The following CFAP263 variants were observed in gnomAD, a reference collection of about 807,000 sequenced individuals.
CFAP263 encodes cilia- and flagella-associated protein 263.
At chr16:58,252,205 CAAA>C in the CFAP263 span, among the ~76,000 whole-genome samples, 1 of 151,706 alleles carries the variant, frequency 6.6e-6, no homozygotes, top group Non-Finnish European at 1.5e-5. Flanking sequence ...ACCACCTCTA[CAAA>C]AAAAATTATA....
At chr16:58,275,838 A>G in the CFAP263 span, among the ~76,000 whole-genome samples, 2 of 152,258 alleles carry the variant, frequency 1.3e-5, no homozygotes, top group Non-Finnish European at 2.9e-5. Context: ...TAATTCAGGT[A>G]TATCAGAGAT....
chr16:58,279,732 A>G, the CFAP263 span: 22 of 1,613,144 alleles, frequency 1.4e-5, no homozygotes, highest in Non-Finnish European at 1.7e-5. Flanking sequence ...ATCGAATGAA[A>G]ATAACCAATG....
At chr16:58,283,151 G>C in the CFAP263 span, 1 of 152,260 alleles carries the variant, frequency 6.6e-6, no homozygotes, top group Non-Finnish European at 1.5e-5. Context: ...GGATGGGTGA[G>C]TGCAGAGTGA....
the CFAP263 span, among the ~76,000 whole-genome samples, chr16:58,275,905 A>T: frequency 6.6e-6 from 1 of 152,238 alleles, no homozygotes; most frequent in Non-Finnish European, 1.5e-5. Context: ...GAAAATTTTT[A>T]ATATAATCTT....
chr16:58,261,034 C>G, the CFAP263 span, among the ~76,000 whole-genome samples: 9 of 152,156 alleles, frequency 5.9e-5, no homozygotes, highest in Admixed American at 4.6e-4. Flanking sequence ...TCTACTCTGT[C>G]TGAGCGGCCC....
At chr16:58,267,503 A>G in the CFAP263 span, 123 of 1,613,716 alleles carry the variant, frequency 7.6e-5, no homozygotes, top group Non-Finnish European at 1.0e-4. Flanking sequence ...GGCAATGGAA[A>G]TATACCTCAA....
chr16:58,255,344 G>A, the CFAP263 span, among the ~76,000 whole-genome samples: 31 of 152,182 alleles, frequency 2.0e-4, no homozygotes, highest in Non-Finnish European at 4.1e-4. Context: ...TGCTCTAGCT[G>A]CTCTGGCAGC....
the CFAP263 span, among the ~76,000 whole-genome samples, chr16:58,274,402 C>T: frequency 5.3e-5 from 8 of 152,332 alleles, no homozygotes; most frequent in Middle Eastern, 3.4e-3. Flanking sequence ...GGGCAGCATT[C>T]CAGAGCCCTC....
the CFAP263 span, among the ~76,000 whole-genome samples, chr16:58,269,222 T>G: frequency 3.3e-5 from 5 of 152,090 alleles, no homozygotes; most frequent in African/African-American, 1.2e-4. Context: ...TCCCATCTAC[T>G]CGGGAGGCTG....
chr16:58,264,175 T>C, the CFAP263 span, among the ~76,000 whole-genome samples: 6 of 152,304 alleles, frequency 3.9e-5, no homozygotes, highest in East Asian at 1.2e-3. Flanking sequence ...CTGATCACTG[T>C]TATTTATAGA....
chr16:58,273,057 G>A, the CFAP263 span, among the ~76,000 whole-genome samples: 1 of 151,954 alleles, frequency 6.6e-6, no homozygotes, highest in Non-Finnish European at 1.5e-5. Flanking sequence ...TGTTAATCTT[G>A]TTGGGCTTCC....
the CFAP263 span, chr16:58,252,689 C>T: frequency 6.3e-7 from 1 of 1,598,324 alleles, no homozygotes; most frequent in Non-Finnish European, 8.6e-7. Context: ...GGTTTAAACT[C>T]TTATTACTAG....
chr16:58,251,361 C>T, the CFAP263 span, among the ~76,000 whole-genome samples: 1 of 152,140 alleles, frequency 6.6e-6, no homozygotes. Flanking sequence ...ATTGTGTTTT[C>T]CATTCAGCTT....
the CFAP263 span, chr16:58,267,355 A>C: frequency 4.3e-6 from 3 of 701,438 alleles, no homozygotes; most frequent in East Asian, 5.2e-5. Flanking sequence ...GGCAACCATG[A>C]GAAAGGCAAT....
the CFAP263 span, chr16:58,253,900 G>C: frequency 7.6e-7 from 1 of 1,310,094 alleles, no homozygotes; most frequent in Middle Eastern, 1.9e-4. Flanking sequence ...TCACTCTGGG[G>C]AACTTCTAGC....
At chr16:58,254,599 A>G in the CFAP263 span, among the ~76,000 whole-genome samples, 1 of 150,640 alleles carries the variant, frequency 6.6e-6, no homozygotes, top group Admixed American at 6.8e-5. Flanking sequence ...TTAAAATTTT[A>G]CAGTAATTTC....
the CFAP263 span, chr16:58,262,646 C>A: frequency 9.9e-7 from 1 of 1,009,178 alleles, no homozygotes; most frequent in Non-Finnish European, 1.4e-6. Context: ...CGTTTGGGTG[C>A]CCCCTCGCTG....
At chr16:58,256,813 C>T in the CFAP263 span, among the ~76,000 whole-genome samples, 1 of 151,470 alleles carries the variant, frequency 6.6e-6, no homozygotes, top group East Asian at 2.0e-4. Context: ...GCTAGAGATA[C>T]CATTCCATTT....
At chr16:58,265,543 A>G in the CFAP263 span, among the ~76,000 whole-genome samples, 1 of 152,010 alleles carries the variant, frequency 6.6e-6, no homozygotes, top group Non-Finnish European at 1.5e-5. Context: ...CCTTCTGCCA[A>G]CAATAAGTGA....
Sources: allele counts gnomAD v4.1 joint callset (sites outside exome capture counted in the v4.1 genomes callset), GRCh38; gene constraint gnomAD v4.1.1; transcripts MANE v1.5; gene names NCBI Gene and HGNC (gene_info 2026-07-23, HGNC 2026-07-21).